The following CLSTN2 variants were observed in gnomAD, a reference collection of about 807,000 sequenced individuals.
CLSTN2 encodes the protein calsyntenin 2.
Under a neutral mutation model 101.2 loss-of-function variants are expected in CLSTN2, and 48 were observed. The observed-to-expected ratio is 0.47, with a 90% CI of 0.38 to 0.60. The LOEUF is 0.60. Among genes scored for constraint, CLSTN2 ranks in the 20% least tolerant of loss-of-function variants. CLSTN2 has a pLI of 0.00. For synonymous variants in CLSTN2, 481 were observed against 463.6 expected, an observed-to-expected ratio of 1.04 and a Z score of -0.48; for missense variants, 1,160 against 1,238.2, an observed-to-expected ratio of 0.94 and a Z score of 0.95.
At chr3:140,171,673 T>TATTATATATTATATATAATAC (rs1559797176) in intron 1 of CLSTN2, among the ~76,000 whole-genome samples, 1 of 64,672 alleles carries the variant, frequency 1.5e-5, no homozygotes, top group African/African-American at 1.0e-4. Flanking sequence ...ATATATAATA[T>TATTATATATTATATATAATAC]GTATTATATA....
At chr3:140,535,824 A>G (rs751818841) in intron 9 of CLSTN2, among the ~76,000 whole-genome samples, 1 of 152,194 alleles carries the variant, frequency 6.6e-6, no homozygotes, top group African/African-American at 2.4e-5. Flanking sequence ...TCCAATGCCT[A>G]TGCTCTTTTC....
intron 1 of CLSTN2, among the ~76,000 whole-genome samples, chr3:140,064,835 A>G (rs904955714): frequency 2.0e-5 from 3 of 152,202 alleles, no homozygotes; most frequent in African/African-American, 7.2e-5. Flanking sequence ...AAAATAAGAG[A>G]TAAAGCACAA....
chr3:140,219,591 G>T (rs941533605), intron 2 of CLSTN2, among the ~76,000 whole-genome samples: 24 of 152,142 alleles, frequency 1.6e-4, no homozygotes, highest in Non-Finnish European at 4.4e-5. Flanking sequence ...TGCTGTCCTA[G>T]AGACTGGTAA....
chr3:140,260,225 T>C (rs2086639879), intron 2 of CLSTN2, among the ~76,000 whole-genome samples: 2 of 151,258 alleles, frequency 1.3e-5, no homozygotes, highest in Non-Finnish European at 2.9e-5. Flanking sequence ...CTTGCCATAT[T>C]ACACTATCTT....
intron 1 of CLSTN2, among the ~76,000 whole-genome samples, chr3:140,041,540 G>T (rs1362777324): frequency 6.6e-6 from 1 of 152,110 alleles, no homozygotes; most frequent in Non-Finnish European, 1.5e-5. Context: ...GCAGAGCTGG[G>T]CCTCTCCATG....
At chr3:140,079,394 C>A (rs1380008946) in intron 1 of CLSTN2, among the ~76,000 whole-genome samples, 1 of 152,052 alleles carries the variant, frequency 6.6e-6, no homozygotes, top group African/African-American at 2.4e-5. Flanking sequence ...TAAAAGATGA[C>A]AATCTCTAGA....
At chr3:140,482,739 T>C (rs190046002) in intron 8 of CLSTN2, among the ~76,000 whole-genome samples, 18 of 152,334 alleles carry the variant, frequency 1.2e-4, no homozygotes, top group African/African-American at 4.3e-4. Context: ...TAGAGGTGTT[T>C]ATAGTATTCT....
At chr3:140,092,957 G>A (rs578064312) in intron 1 of CLSTN2, among the ~76,000 whole-genome samples, 1 of 152,318 alleles carries the variant, frequency 6.6e-6, no homozygotes, top group Non-Finnish European at 1.5e-5. Flanking sequence ...TGGATGGAGG[G>A]TGCTGATCAG....
At chr3:140,558,457 G>T (rs1485762838) in intron 11 of CLSTN2, among the ~76,000 whole-genome samples, 183 bp from the exon 12 acceptor site, 1 of 152,164 alleles carries the variant, frequency 6.6e-6, no homozygotes, top group African/African-American at 2.4e-5. Flanking sequence ...CAAGTCCCTA[G>T]ATCACTAGTG....
In CLSTN2 at chr3:140,454,623, G is replaced by C. The variant is rs559048257; in HGVS notation, c.974-4898G>C. The C allele has an allele frequency of 2.0e-5, 3 of 152,304 alleles. No homozygotes were observed. The South Asian group carries it at 6.2e-4, about 32-fold the overall frequency. The allele number at this position is 152,304 out of a possible 1,614,324, so 9.4% of individuals were successfully genotyped here. The stretch of plus-strand genomic sequence containing the variant: ...ACAACTGACCGCAAACTTTCACTGT[G>C]TTAAAATAACAAAGGTTTATTTATC... On this transcript the variant is annotated intron_variant, in intron 6 of 16. Coordinates refer to ENST00000458420, the MANE Select transcript of CLSTN2 (RefSeq NM_022131.3).
chr3:140,553,028 A>C (rs1166298928), intron 10 of CLSTN2, among the ~76,000 whole-genome samples: 2 of 152,226 alleles, frequency 1.3e-5, no homozygotes, highest in Non-Finnish European at 2.9e-5. Flanking sequence ...TAAGCACTCT[A>C]AGCTGGTGAG....
intron 2 of CLSTN2, among the ~76,000 whole-genome samples, chr3:140,228,331 A>C (rs138394549): frequency 9.3e-4 from 141 of 152,296 alleles, no homozygotes; most frequent in Non-Finnish European, 1.7e-3. Flanking sequence ...ACATAACAAG[A>C]GTCACCTTTG....
At chr3:140,459,875 A>G in intron 7 of CLSTN2, 106 bp downstream of exon 7, 1 of 1,325,612 alleles carries the variant, frequency 7.5e-7, no homozygotes. Flanking sequence ...GAAGAAAAGC[A>G]GGAGCCTGAG....
At chr3:140,465,537 A>T (rs1373488823) in intron 7 of CLSTN2, among the ~76,000 whole-genome samples, 1 of 152,194 alleles carries the variant, frequency 6.6e-6, no homozygotes, top group African/African-American at 2.4e-5. Flanking sequence ...GGCGATTCTC[A>T]TGAGCCTGTT....
At chr3:140,109,714 C>T (rs1029222489) in intron 1 of CLSTN2, among the ~76,000 whole-genome samples, 1 of 152,152 alleles carries the variant, frequency 6.6e-6, no homozygotes, top group Admixed American at 6.5e-5. Flanking sequence ...GAGGGCAACT[C>T]TTTCCAGCAG....
intron 1 of CLSTN2, among the ~76,000 whole-genome samples, chr3:139,950,841 G>A (rs747912607): frequency 1.3e-5 from 2 of 152,206 alleles, no homozygotes; most frequent in Non-Finnish European, 2.9e-5. Context: ...TTAGATGCTT[G>A]TTGTCAGTTC....
In CLSTN2 at chr3:140,448,719, T is replaced by G; in HGVS notation, c.973+15T>G. ...AAAGTTATGTGGTAGGTTTTTCCCT[T>G]TTGGGATTTTAAAAATCAATTGCTT... On this transcript the variant is annotated intron_variant, in intron 6 of 16. Coordinates refer to ENST00000458420, the MANE Select transcript of CLSTN2 (RefSeq NM_022131.3). 6.3e-7 allele frequency: 1 copy of G among 1,593,998 alleles called. No homozygotes were observed. The highest frequency in any genetic ancestry group is 8.6e-7 in the Non-Finnish European group (1 of 1,164,902).
At chr3:140,080,902 T>C (rs1426262546) in intron 1 of CLSTN2, among the ~76,000 whole-genome samples, 1 of 152,202 alleles carries the variant, frequency 6.6e-6, no homozygotes, top group Non-Finnish European at 1.5e-5. Flanking sequence ...CCATCCCACT[T>C]CTGCTTCTTA....
At chr3:140,002,982 G>A (rs938565065) in intron 1 of CLSTN2, among the ~76,000 whole-genome samples, 4 of 152,152 alleles carry the variant, frequency 2.6e-5, no homozygotes, top group African/African-American at 9.7e-5. Context: ...AGTATAATTT[G>A]AAGTCAAATA....
Sources: allele counts gnomAD v4.1 joint callset (sites outside exome capture counted in the v4.1 genomes callset), GRCh38; gene constraint gnomAD v4.1.1; transcripts MANE v1.5; gene names NCBI Gene and HGNC (gene_info 2026-07-23, HGNC 2026-07-21).